The following TICRR variants were observed in gnomAD, a reference collection of about 807,000 sequenced individuals.
The protein encoded by TICRR is TOPBP1 interacting checkpoint and replication regulator.
In TICRR, 132 loss-of-function variants were observed where a neutral mutation model predicts 178.1. The observed-to-expected ratio is 0.74, with a 90% CI of 0.64 to 0.86. TICRR has a LOEUF of 0.86. TICRR is among the 40% of genes least tolerant of loss of function. TICRR has a pLI of 0.00. For missense variants in TICRR, 2,587 were observed against 2,334.3 expected (o/e 1.11, Z -2.23); for synonymous variants, 991 against 900.7 (o/e 1.10, Z -1.79).
At chr15:89,587,349 G>T (rs1196573301) in intron 4 of TICRR, among the ~76,000 whole-genome samples, 4 of 152,118 alleles carry the variant, frequency 2.6e-5, no homozygotes, top group Non-Finnish European at 5.9e-5. Flanking sequence ...GCATGTTTGA[G>T]TTTGGGAGAT....
chr15:89,603,512 T>G (rs556298972), intron 13 of TICRR, among the ~76,000 whole-genome samples: 1 of 152,272 alleles, frequency 6.6e-6, no homozygotes, highest in East Asian at 1.9e-4. Flanking sequence ...TTGAGCCCAG[T>G]AGGTCAAAGC....
rs769642321 is a variant in TICRR at position 89,627,018 on chromosome 15, A to C, written c.5665A>C (p.Arg1889=). ...CTCTCCTTTCAGTCGCGCTTTCTCC[A>C]GGAGGCGCCCCATCAGCAGAACTTA... The part of the protein sequence containing the change: ...EDSPFSRAFS[R]RRPISRTYTR... The change falls in exon 22 of 22, where the codon AGG becomes CGG. Residue 1889 remains arginine (R), a synonymous_variant. Transcript: ENST00000268138. 6.2e-7 allele frequency: 1 copy of C among 1,613,988 alleles called. No individual in the cohort carries two copies. Among genetic ancestry groups the C allele is most frequent in the Non-Finnish European group, 8.5e-7 (1 of 1,180,022 alleles).
At chr15:89,623,474 G>A in intron 19 of TICRR, 149 bp from the exon 20 acceptor site, 2 of 826,468 alleles carry the variant, frequency 2.4e-6, no homozygotes, top group Non-Finnish European at 3.8e-6. Context: ...GTTTTGGAGA[G>A]GGAAACGGGT....
At position 89,625,344 on chromosome 15, in the gene TICRR, T is replaced by A; in HGVS notation, c.5034T>A (p.Thr1678=). The stretch of plus-strand genomic sequence containing the variant: ...CCCCCAAGCACAGTGGGAAGACAAC[T>A]CCAGACATAATTAAAGACTGGCCCA... The part of the protein sequence containing the change: ...TPSPKHSGKT[T]PDIIKDWPRR... Residue 1678 remains threonine, a synonymous_variant, in exon 20 of 22, where the codon ACT becomes ACA. Coordinates refer to ENST00000268138, the MANE Select transcript of TICRR (RefSeq NM_152259.4). 1 of 1,613,774 alleles carries A rather than the reference T, an allele frequency of 6.2e-7. No homozygotes were observed. Among genetic ancestry groups the A allele is most frequent in the Middle Eastern group, 1.6e-4 (1 of 6,062 alleles).
chr15:89,614,807 G>T (rs1963308499), intron 15 of TICRR, among the ~76,000 whole-genome samples: 1 of 152,224 alleles, frequency 6.6e-6, no homozygotes. Flanking sequence ...GTCAACTAAT[G>T]ATTGGACAGA....
chr15:89,588,992 G>A (rs1357860396), intron 4 of TICRR, among the ~76,000 whole-genome samples: 2 of 152,108 alleles, frequency 1.3e-5, no homozygotes, highest in Non-Finnish European at 2.9e-5. Flanking sequence ...AGCATGGCGG[G>A]GGAACAGCAA....
intron 7 of TICRR, 90 bp downstream of exon 7, chr15:89,595,701 T>A: frequency 1.2e-6 from 1 of 857,562 alleles, no homozygotes; most frequent in South Asian, 1.7e-5. Context: ...GACTATCTGC[T>A]ACATGCACAA....
Position 89,623,754 on chromosome 15 carries a change from A to G in TICRR, c.3444A>G (p.Thr1148=). 1 of 1,614,060 alleles carries G rather than the reference A, an allele frequency of 6.2e-7. No individual in the cohort carries two copies. Residue 1148 remains threonine, a synonymous_variant, in exon 20 of 22, where the codon ACA becomes ACG. Coordinates refer to ENST00000268138, the MANE Select transcript of TICRR (RefSeq NM_152259.4). ...LQKSPAKMTP[T]KQAAFKESLK... is the part of the protein sequence containing the mutation. ...AGTCCCCTGCAAAAATGACCCCTACAAAGCAGGCAGCTTTTAAGGAGTCCT... is the reference window on the plus strand; with the variant it reads ...AGTCCCCTGCAAAAATGACCCCTACGAAGCAGGCAGCTTTTAAGGAGTCCT...
At chr15:89,591,848 T>G in intron 4 of TICRR, 199 bp from the exon 5 acceptor site, 1 of 429,324 alleles carries the variant, frequency 2.3e-6, no homozygotes, top group East Asian at 3.2e-5. Flanking sequence ...AAATTGTGTC[T>G]GTATGTTTTT....
intron 13 of TICRR, among the ~76,000 whole-genome samples, chr15:89,603,438 A>C (rs1003220925): frequency 6.6e-6 from 1 of 152,204 alleles, no homozygotes; most frequent in African/African-American, 2.4e-5. Context: ...AGAAAAAATT[A>C]GCCAGGCATG....
In TICRR at chr15:89,584,315, G is replaced by A. The variant is rs1406725411; in HGVS notation, c.964G>A (p.Val322Ile). ...AGKEIQETWT[V>I]TLEPLAMHQR... ...CAAAGAGATTCAAGAAACATGGACA[G>A]TCACCCTAGAGCCCTTGGCCATGCA... The change falls in exon 3 of 22, where the codon GTC becomes ATC. Residue 322 changes from valine (V) to isoleucine (I), a missense_variant. Val to Ile is a conservative substitution (Grantham distance 29). Coordinates refer to ENST00000268138, the MANE Select transcript of TICRR (RefSeq NM_152259.4). The A allele has an allele frequency of 6.2e-7, 1 of 1,611,686 alleles. No individual in the cohort carries two copies. Among genetic ancestry groups the A allele is most frequent in the South Asian group, 1.1e-5 (1 of 90,618 alleles).
intron 14 of TICRR, among the ~76,000 whole-genome samples, chr15:89,607,396 C>A (rs1348486555): frequency 6.6e-6 from 1 of 152,096 alleles, no homozygotes; most frequent in Non-Finnish European, 1.5e-5. Flanking sequence ...GAATAACGTA[C>A]ATACAGAGAG....
chr15:89,594,944 T>C (rs201393357), intron 6 of TICRR, among the ~76,000 whole-genome samples: 1 of 152,238 alleles, frequency 6.6e-6, no homozygotes, highest in East Asian at 1.9e-4. Context: ...AATACTGTAG[T>C]ATACATTATG....
rs1277718933 is a variant in TICRR, at chr15:89,601,769, A to G, written c.2360A>G (p.Asn787Ser). 1 of 1,614,030 alleles carries G rather than the reference A, an allele frequency of 6.2e-7. No individual in the cohort carries two copies. Among genetic ancestry groups the G allele is most frequent in the African/African-American group, 1.3e-5 (1 of 74,912 alleles). Residue 787 changes from asparagine (N) to serine (S), a missense_variant, in exon 12 of 22, where the codon AAT (asparagine) becomes AGT (serine). By Grantham distance (46) the Asn-to-Ser change is conservative. Coordinates refer to ENST00000268138, the MANE Select transcript of TICRR (RefSeq NM_152259.4). ...GACTCTATCCCAAAGACACTTGGAAATCTTTACAACAGCCTAGGGTTTGTG... is the reference window on the plus strand; with the variant it reads ...GACTCTATCCCAAAGACACTTGGAAGTCTTTACAACAGCCTAGGGTTTGTG... Reference protein sequence around the residue: ...YIDSIPKTLGNLYNSLGFVIP... With the variant: ...YIDSIPKTLGSLYNSLGFVIP...
chr15:89,585,656 C>T, intron 3 of TICRR, 52 bp from the exon 4 acceptor site: 2 of 1,254,588 alleles, frequency 1.6e-6, no homozygotes, highest in South Asian at 1.2e-5. Flanking sequence ...CTACATTCTT[C>T]TTTAGGCATA....
rs1280982015 is a variant in TICRR, at chr15:89,575,562, GC to G, written c.-21del. 16 of 1,450,434 alleles carry G rather than the reference GC, an allele frequency of 1.1e-5. No homozygotes were observed. Among genetic ancestry groups the G allele is most frequent in the Non-Finnish European group, 1.3e-5 (14 of 1,109,520 alleles). 89.8% of individuals were successfully genotyped at this position (1,450,434 alleles called of 1,614,324 possible). A position where few individuals can be genotyped will look rare whatever the true frequency, so the allele number is the denominator to read the frequency against. ...GACGGTGGCGCGGGCCCGGACCGGG[GC>G]CCCGGGGCGGCGGCACGGCCGATAT... On this transcript the variant is annotated 5_prime_UTR_variant, in exon 1 of 22. Transcript: ENST00000268138.
Position 89,582,904 on chromosome 15 carries a change from T to G in TICRR, c.873T>G (p.Asn291Lys). Reference sequence around the variant, plus strand: ...CCACTTTAAACCGTTTGCTCTACAATTCTCCTGAGTATGAGGCCTCGTTTC... The same window carrying G: ...CCACTTTAAACCGTTTGCTCTACAAGTCTCCTGAGTATGAGGCCTCGTTTC... ...TDATLNRLLY[N>K]SPEYEASFPR... Residue 291 changes from asparagine (N) to lysine (K), a missense_variant, in exon 2 of 22, where the codon AAT (asparagine) becomes AAG (lysine). Transcript: ENST00000268138. 1 of 1,614,208 alleles carries G rather than the reference T, an allele frequency of 6.2e-7. No individual in the cohort carries two copies. Among genetic ancestry groups the G allele is most frequent in the Non-Finnish European group, 8.5e-7 (1 of 1,180,032 alleles).
chr15:89,579,490 C>T (rs1172111026), intron 1 of TICRR, among the ~76,000 whole-genome samples: 4 of 152,134 alleles, frequency 2.6e-5, no homozygotes, highest in East Asian at 1.9e-4. Context: ...GGATTACAGG[C>T]GCTTGCCACC....
chr15:89,607,529 A>G (rs2141969813), intron 14 of TICRR, among the ~76,000 whole-genome samples: 1 of 152,274 alleles, frequency 6.6e-6, no homozygotes, highest in East Asian at 1.9e-4. Flanking sequence ...AAAATAGAGA[A>G]TAACAAACCA....
Sources: allele counts gnomAD v4.1 joint callset (sites outside exome capture counted in the v4.1 genomes callset), GRCh38; gene constraint gnomAD v4.1.1; transcripts MANE v1.5; gene names NCBI Gene and HGNC (gene_info 2026-07-23, HGNC 2026-07-21).